Variants in LIPA observed in about 807,000 individuals in gnomAD.
LIPA encodes the protein lipase A, lysosomal acid type, also known as lysosomal acid lipase/cholesteryl ester hydrolase.
In LIPA, 26 loss-of-function variants were observed where a neutral mutation model predicts 40.6. That is an observed-to-expected ratio of 0.64 (90% confidence interval 0.47 to 0.89). The LOEUF is 0.89. LIPA is among the 40% of genes least tolerant of loss of function. The pLI, the probability that LIPA is intolerant of heterozygous loss-of-function variation, is 0.00. For missense variants in LIPA, 455 were observed against 479.6 expected, an observed-to-expected ratio of 0.95 and a Z score of 0.48; for synonymous variants, 188 against 168.4, an observed-to-expected ratio of 1.12 and a Z score of -0.90.
intron 2 of LIPA, among the ~76,000 whole-genome samples, chr10:89,381,846 C>T (rs1022875689): frequency 2.6e-5 from 4 of 152,060 alleles, no homozygotes; most frequent in African/African-American, 9.7e-5. Flanking sequence ...AGTGCAGTGG[C>T]ATGATCTCGG....
At chr10:89,329,803 G>A (rs1843632577) in intron 1 of LIPA, among the ~76,000 whole-genome samples, 1 of 152,288 alleles carries the variant, frequency 6.6e-6, no homozygotes, top group South Asian at 2.1e-4. Flanking sequence ...CACCAAACAG[G>A]CTTTGTGTGA....
At chr10:89,319,290 A>T (rs899333565) in intron 1 of LIPA, among the ~76,000 whole-genome samples, 1 of 152,204 alleles carries the variant, frequency 6.6e-6, no homozygotes, top group Non-Finnish European at 1.5e-5. Context: ...TTTTGAAAGG[A>T]TCAACATTAT....
chr10:89,295,196 AG>A (rs1422437654), intron 1 of LIPA, among the ~76,000 whole-genome samples: 1 of 151,972 alleles, frequency 6.6e-6, no homozygotes, highest in Non-Finnish European at 1.5e-5. Flanking sequence ...AATGTCATAT[AG>A]GTGGGAACAC....
At chr10:89,323,043 C>T (rs999684379) in intron 1 of LIPA, among the ~76,000 whole-genome samples, 1 of 152,170 alleles carries the variant, frequency 6.6e-6, no homozygotes, top group Non-Finnish European at 1.5e-5. Flanking sequence ...TGTAGCCAGG[C>T]AAGCCATGCC....
At chr10:89,359,040 G>A (rs1844004602) in intron 2 of LIPA, among the ~76,000 whole-genome samples, 1 of 152,198 alleles carries the variant, frequency 6.6e-6, no homozygotes, top group Non-Finnish European at 1.5e-5. Context: ...ATGGAGCAAA[G>A]GAGGATGCCC....
chr10:89,381,453 C>A (rs1206347253), intron 2 of LIPA, among the ~76,000 whole-genome samples: 2 of 152,166 alleles, frequency 1.3e-5, no homozygotes, highest in African/African-American at 4.8e-5. Flanking sequence ...TCCTGGGCCA[C>A]AGCTGGAAGG....
chr10:89,341,228 G>T lies in LIPA; in HGVS notation c.-2+1383C>A, dbSNP rs905239862. On this transcript the variant is annotated intron_variant, in intron 1 of 5. Transcript: ENST00000282673. ...AGTTAGCAGCTGCTGCTGTAGACAG[G>T]GTTGCTGTAAGCCCAGGAATATCTG... Among the ~76,000 whole-genome samples, 8 of 152,308 alleles carry T rather than the reference G, an allele frequency of 5.3e-5. No individual in the cohort carries two copies. In the East Asian group the frequency reaches 1.5e-3, roughly 29 times the overall value.
chr10:89,213,611 TAA>T lies in LIPA; in HGVS notation c.*1215_*1216del, dbSNP rs1219632428. On this transcript the variant is annotated 3_prime_UTR_variant, in exon 10 of 10. Transcript: ENST00000336233. ...TCTCACTCAATTTTATTGAAAAGTT[TAA>T]GACTTTAAAAGTTACAAAGTAGTAT... 2.0e-5 allele frequency: 3 copies of T among 152,354 alleles called. No individual in the cohort carries two copies. Among genetic ancestry groups the T allele is most frequent in the Non-Finnish European group, 2.9e-5 (2 of 68,140 alleles). The allele number at this position is 152,354 out of a possible 1,614,324, so 9.4% of individuals were successfully genotyped here.
At chr10:89,325,177 C>A (rs1843592111) in intron 1 of LIPA, among the ~76,000 whole-genome samples, 1 of 152,050 alleles carries the variant, frequency 6.6e-6, no homozygotes, top group Non-Finnish European at 1.5e-5. Context: ...CATGTCATAC[C>A]AGTCAGAATG....
At chr10:89,364,419 A>G (rs1483656559) in intron 2 of LIPA, among the ~76,000 whole-genome samples, 1 of 152,072 alleles carries the variant, frequency 6.6e-6, no homozygotes, top group African/African-American at 2.4e-5. Flanking sequence ...GACCCACAAG[A>G]AGATCTACAA....
chr10:89,264,982 C>T (rs947205293), intron 1 of LIPA, among the ~76,000 whole-genome samples: 30 of 152,224 alleles, frequency 2.0e-4, no homozygotes, highest in Non-Finnish European at 3.2e-4. Flanking sequence ...CCATCCTCTT[C>T]AGCCTCCCTC....
Position 89,390,703 on chromosome 10 carries a change from A to G in LIPA, c.61+22088T>C, listed in dbSNP as rs538840171. Among the ~76,000 whole-genome samples the G allele has an allele frequency of 1.8e-4, 27 of 152,340 alleles. No individual in the cohort carries two copies. In the South Asian group the frequency reaches 5.6e-3, roughly 32 times the overall value. ...GTTTGTTTAGCCCAAAGAGACACTA[A>G]GCAAGATTCTGAATACCTAATCAGC... On this transcript the variant is annotated intron_variant, in intron 2 of 8. Transcript: ENST00000371837.
At chr10:89,328,444 G>T (rs998524776) in intron 1 of LIPA, among the ~76,000 whole-genome samples, 3 of 152,128 alleles carry the variant, frequency 2.0e-5, no homozygotes, top group African/African-American at 7.2e-5. Flanking sequence ...TAGACCTAAG[G>T]GAATTACTCT....
intron 3 of LIPA, among the ~76,000 whole-genome samples, chr10:89,235,826 G>A (rs1477325894): frequency 1.3e-5 from 2 of 152,184 alleles, no homozygotes; most frequent in Non-Finnish European, 2.9e-5. Context: ...CTGAAGTATA[G>A]GTGTCCTTTT....
At chr10:89,224,435 C>T (rs796474685) in intron 6 of LIPA, among the ~76,000 whole-genome samples, 7 of 152,264 alleles carry the variant, frequency 4.6e-5, no homozygotes, top group Admixed American at 1.3e-4. Context: ...CCATGAGAGA[C>T]GTTATACCTC....
At chr10:89,242,290 G>A (rs1842973602) in intron 3 of LIPA, among the ~76,000 whole-genome samples, 1 of 152,204 alleles carries the variant, frequency 6.6e-6, no homozygotes, top group Non-Finnish European at 1.5e-5. Context: ...GTAGCCAAGG[G>A]CTACTACTGT....
At chr10:89,279,579 C>T (rs1843305324) in intron 1 of LIPA, among the ~76,000 whole-genome samples, 1 of 152,110 alleles carries the variant, frequency 6.6e-6, no homozygotes, top group South Asian at 2.1e-4. Context: ...ACCAGGGCTT[C>T]GAGCCAAACC....
intron 3 of LIPA, among the ~76,000 whole-genome samples, chr10:89,237,371 C>A (rs1019964803): frequency 6.6e-6 from 1 of 151,944 alleles, no homozygotes; most frequent in African/African-American, 2.4e-5. Context: ...TCCTGCCAAC[C>A]AAGAGGCTGC....
chr10:89,352,961 C>G (rs1450824056), intron 2 of LIPA, among the ~76,000 whole-genome samples: 2 of 152,158 alleles, frequency 1.3e-5, no homozygotes, highest in African/African-American at 2.4e-5. Flanking sequence ...TAACTCTACT[C>G]GCCTGAGACA....
Sources: allele counts gnomAD v4.1 joint callset (sites outside exome capture counted in the v4.1 genomes callset), GRCh38; gene constraint gnomAD v4.1.1; transcripts MANE v1.5; gene names NCBI Gene and HGNC (gene_info 2026-07-23, HGNC 2026-07-21).